The following GLB1 variants were observed in gnomAD, a reference collection of about 807,000 sequenced individuals.
The protein encoded by GLB1 is galactosidase beta 1.
A neutral mutation model predicts 74.0 loss-of-function variants in GLB1; 56 were observed. The observed-to-expected ratio is 0.76, with a 90% CI of 0.61 to 0.94. GLB1 has a LOEUF of 0.94. Among genes scored for constraint, GLB1 ranks in the 40% least tolerant of loss-of-function variants. The pLI, the probability that GLB1 is intolerant of heterozygous loss-of-function variation, is 0.00. For synonymous variants in GLB1, 323 were observed against 323.6 expected, an observed-to-expected ratio of 1.00 and a Z score of 0.02; for missense variants, 787 against 845.5, an observed-to-expected ratio of 0.93 and a Z score of 0.86.
At chr3:32,973,200 T>A in the GLB1 span, among the ~76,000 whole-genome samples, 2,197 of 152,258 alleles carry the variant, frequency 0.014, 48 homozygotes, top group African/African-American at 0.05. Context: ...TTGAACCCCA[T>A]CAGTCTCTCT....
intron 10 of GLB1, among the ~76,000 whole-genome samples, chr3:33,028,778 G>T (rs1355339183): frequency 6.6e-6 from 1 of 151,746 alleles, no homozygotes; most frequent in Non-Finnish European, 1.5e-5. Context: ...CGATTCTCCT[G>T]CCTCAGCCTC....
the GLB1 span, among the ~76,000 whole-genome samples, chr3:32,978,665 A>T: frequency 6.6e-6 from 1 of 152,050 alleles, no homozygotes; most frequent in Admixed American, 6.6e-5. Context: ...TAGATCTGAG[A>T]TGGTGGTGAG....
chr3:33,071,415 A>C (rs1699882429), intron 2 of GLB1, among the ~76,000 whole-genome samples: 1 of 152,184 alleles, frequency 6.6e-6, no homozygotes. Flanking sequence ...AGCCACACCA[A>C]CTTTCTTGCC....
chr3:32,966,466 A>G, the GLB1 span, among the ~76,000 whole-genome samples: 17 of 152,312 alleles, frequency 1.1e-4, no homozygotes, highest in Non-Finnish European at 1.3e-4. Context: ...ACCCCATTGT[A>G]TCTAGGAAGT....
chr3:33,021,709 G>A (rs1575417926), intron 11 of GLB1, 54 bp from the exon 12 acceptor site: 21 of 1,577,584 alleles, frequency 1.3e-5, no homozygotes, highest in Non-Finnish European at 1.8e-5. Context: ...TGGTCATCAG[G>A]TTACAGAGTC....
the GLB1 span, among the ~76,000 whole-genome samples, chr3:32,962,416 GT>G: frequency 2.0e-5 from 3 of 150,750 alleles, no homozygotes; most frequent in Non-Finnish European, 4.4e-5. Flanking sequence ...GAAATGTGAT[GT>G]GCAGTAAATG....
At chr3:33,047,268 G>A (rs1013873169) in intron 9 of GLB1, among the ~76,000 whole-genome samples, 3 of 152,188 alleles carry the variant, frequency 2.0e-5, no homozygotes, top group Non-Finnish European at 4.4e-5. Context: ...TGCAAGGGGC[G>A]GGGTCTAGAC....
chr3:33,003,050 C>G (rs1696643020), intron 15 of GLB1, among the ~76,000 whole-genome samples: 1 of 152,228 alleles, frequency 6.6e-6, no homozygotes, highest in African/African-American at 2.4e-5. Context: ...TTCTCCCCTT[C>G]CTTCAGAACC....
At chr3:32,988,358 G>A in the GLB1 span, among the ~76,000 whole-genome samples, 1 of 152,140 alleles carries the variant, frequency 6.6e-6, no homozygotes, top group Non-Finnish European at 1.5e-5. Flanking sequence ...TGGGACCAAC[G>A]TGTTGTTGAA....
intron 10 of GLB1, among the ~76,000 whole-genome samples, chr3:33,029,177 TG>T: frequency 6.6e-6 from 1 of 152,336 alleles, no homozygotes; most frequent in East Asian, 1.9e-4. Flanking sequence ...AGAAAAGAAA[TG>T]AACAAATATA....
downstream of GLB1, among the ~76,000 whole-genome samples, chr3:32,993,822 C>T (rs751530580): frequency 2.6e-5 from 4 of 151,894 alleles, no homozygotes; most frequent in African/African-American, 9.7e-5. Context: ...TGTGAGTCAC[C>T]GCACCTGGCC....
chr3:32,977,639 A>G, the GLB1 span, among the ~76,000 whole-genome samples: 1 of 152,208 alleles, frequency 6.6e-6, no homozygotes, highest in African/African-American at 2.4e-5. Context: ...AGGACCTACT[A>G]TGGGCTAGAT....
chr3:33,016,571 T>G (rs1325496544), intron 14 of GLB1, 138 bp downstream of exon 14: 15 of 1,480,356 alleles, frequency 1.0e-5, no homozygotes, highest in Non-Finnish European at 1.2e-5. Context: ...AGGCTGGTCT[T>G]GAACTCCTGG....
At chr3:33,083,821 C>G (rs1430231145) in intron 1 of GLB1, among the ~76,000 whole-genome samples, 1 of 152,044 alleles carries the variant, frequency 6.6e-6, no homozygotes, top group African/African-American at 2.4e-5. Context: ...TAGATTATTT[C>G]AGTAATAAAT....
chr3:33,051,762 C>A lies in GLB1; in HGVS notation c.951G>T (p.Trp317Cys). ...MFIGGTNFAY[W>C]NGANSPYAAQ... Reference sequence around the variant, plus strand: ...CAGATATTAAAGTGCTCTTACCATTCCAATAGGCAAAATTGGTCCCACCTA... The same window carrying A: ...CAGATATTAAAGTGCTCTTACCATTACAATAGGCAAAATTGGTCCCACCTA... The change falls in exon 9 of 16, where the codon TGG becomes TGT. Residue 317 changes from tryptophan (W) to cysteine (C), a missense_variant. Transcript: ENST00000307363. The A allele has an allele frequency of 6.2e-7, 1 of 1,614,184 alleles. No individual in the cohort carries two copies. The highest frequency in any genetic ancestry group is 8.5e-7 in the Non-Finnish European group (1 of 1,180,036).
intron 15 of GLB1, among the ~76,000 whole-genome samples, chr3:32,998,167 G>C (rs565935020): frequency 6.6e-6 from 1 of 152,118 alleles, no homozygotes; most frequent in East Asian, 1.9e-4. Context: ...TAAAAAACAG[G>C]GACCATGTTT....
intron 3 of GLB1, among the ~76,000 whole-genome samples, chr3:33,068,565 G>A (rs1699778701): frequency 1.3e-5 from 2 of 152,142 alleles, no homozygotes; most frequent in African/African-American, 4.8e-5. Flanking sequence ...GACGTAGATA[G>A]AGAAGACACC....
chr3:33,014,292 T>C lies in GLB1; in HGVS notation c.1498A>G (p.Thr500Ala), dbSNP rs72555368. The C allele has an allele frequency of 1.5e-5, 24 of 1,613,818 alleles. No individual in the cohort carries two copies. Among genetic ancestry groups the C allele is most frequent in the Non-Finnish European group, 2.0e-5 (24 of 1,179,940 alleles). The part of the protein sequence containing the change: ...NDFKGLVSNL[T>A]LSSNILTDWT... ...TCCGTGAGGATATTGGAACTGAGAGTCAGGTTAGAAACCAAACCCTGCAAA... is the reference window on the plus strand; with the variant it reads ...TCCGTGAGGATATTGGAACTGAGAGCCAGGTTAGAAACCAAACCCTGCAAA... Residue 500 changes from threonine to alanine, a missense_variant, in exon 15 of 16, where the codon ACT becomes GCT. Physicochemically the swap from Thr to Ala is moderately conservative, Grantham distance 58 (BLOSUM62 0). Transcript: ENST00000307363.
chr3:32,985,104 C>CAAAAAA, the GLB1 span, among the ~76,000 whole-genome samples: 1 of 61,968 alleles, frequency 1.6e-5, no homozygotes, highest in Non-Finnish European at 3.5e-5. Context: ...AACTCTGTCT[C>CAAAAAA]AAAAAAAAAA....
Sources: allele counts gnomAD v4.1 joint callset (sites outside exome capture counted in the v4.1 genomes callset), GRCh38; gene constraint gnomAD v4.1.1; transcripts MANE v1.5; gene names NCBI Gene and HGNC (gene_info 2026-07-23, HGNC 2026-07-21).